Variants in PALLD observed in about 807,000 individuals in gnomAD.
PALLD encodes palladin.
In PALLD, 61 loss-of-function variants were observed where a neutral mutation model predicts 123.5. That is an observed-to-expected ratio of 0.49 (90% CI 0.40 to 0.61). PALLD has a LOEUF of 0.61. Among genes scored for constraint, PALLD ranks in the 20% least tolerant of loss-of-function variants. The pLI is 0.00. For synonymous variants in PALLD, 465 were observed against 496.4 expected, an observed-to-expected ratio of 0.94 and a Z score of 0.84; for missense variants, 1,273 against 1,377.0, an observed-to-expected ratio of 0.92 and a Z score of 1.20.
chr4:168,785,432 C>A (rs1457455592), intron 10 of PALLD, among the ~76,000 whole-genome samples: 1 of 152,090 alleles, frequency 6.6e-6, no homozygotes, highest in Non-Finnish European at 1.5e-5. Context: ...CTGAATAAAT[C>A]CAGTGGAAAT....
chr4:168,847,240 T>C (rs570484149), intron 10 of PALLD, among the ~76,000 whole-genome samples: 153 of 152,334 alleles, frequency 1.0e-3, no homozygotes, highest in Non-Finnish European at 1.8e-3. Context: ...AAAACAAGTA[T>C]ACAGTACAAA....
intron 2 of PALLD, among the ~76,000 whole-genome samples, chr4:168,561,259 T>C (rs1215258049): frequency 1.3e-5 from 2 of 152,072 alleles, no homozygotes; most frequent in Non-Finnish European, 2.9e-5. Flanking sequence ...CAATTTTCTT[T>C]TTTTTTCTCT....
intron 2 of PALLD, among the ~76,000 whole-genome samples, chr4:168,618,349 C>T (rs1034609219): frequency 6.6e-6 from 1 of 152,156 alleles, no homozygotes; most frequent in African/African-American, 2.4e-5. Flanking sequence ...ATGCTACATT[C>T]CTGGGGATAG....
chr4:168,639,421 A>T (rs1365361317), intron 2 of PALLD, among the ~76,000 whole-genome samples: 1 of 152,196 alleles, frequency 6.6e-6, no homozygotes. Context: ...CAAAGTTTGG[A>T]AAGGAGTTTC....
chr4:168,898,600 G>A lies in PALLD; in HGVS notation c.2358G>A (p.Val786=), dbSNP rs2094094165. The A allele has an allele frequency of 6.2e-7, 1 of 1,613,788 alleles. No individual in the cohort carries two copies. Among genetic ancestry groups the A allele is most frequent in the South Asian group, 1.1e-5 (1 of 91,080 alleles). ...GTGATGAAGTTCAGTATGGAGATGTGCCTGTGGAAAATGGAATGGCACCAT... is the reference window on the plus strand; with the variant it reads ...GTGATGAAGTTCAGTATGGAGATGTACCTGTGGAAAATGGAATGGCACCAT... ...ESGDEVQYGD[V]PVENGMAPFF... Residue 786 remains valine (V), a synonymous_variant, in exon 14 of 22, where the codon GTG becomes GTA. Transcript: ENST00000505667.
intron 10 of PALLD, among the ~76,000 whole-genome samples, chr4:168,744,632 AGTG>A (rs1264646441): frequency 1.3e-5 from 2 of 152,232 alleles, no homozygotes; most frequent in Non-Finnish European, 2.9e-5. Flanking sequence ...GACACAGTCT[AGTG>A]GTGGCAAAGA....
chr4:168,711,963 C>T (rs898930760), intron 10 of PALLD, 40 bp downstream of exon 10: 1 of 1,541,132 alleles, frequency 6.5e-7, no homozygotes. Context: ...TTTCCATACC[C>T]CTGTTACATT....
At chr4:168,885,944 C>G (rs1753275452) in intron 10 of PALLD, among the ~76,000 whole-genome samples, 1 of 152,234 alleles carries the variant, frequency 6.6e-6, no homozygotes, top group African/African-American at 2.4e-5. Context: ...CAGTTCCCAT[C>G]ACCACCTATG....
rs760419523 is a variant in PALLD at position 168,898,607 on chromosome 4, G to C, written c.2365G>C (p.Glu789Gln). ...DEVQYGDVPVENGMAPFFEMK... is the reference protein window; with the variant it reads ...DEVQYGDVPVQNGMAPFFEMK... ...AGTTCAGTATGGAGATGTGCCTGTG[G>C]AAAATGGAATGGCACCATTCTTTGA... Residue 789 changes from glutamate (E) to glutamine (Q), a missense_variant, in exon 14 of 22, where the codon GAA becomes CAA. Coordinates refer to ENST00000505667, the MANE Select transcript of PALLD (RefSeq NM_001166108.2). 2 of 1,613,886 alleles carry C rather than the reference G, an allele frequency of 1.2e-6. No individual in the cohort carries two copies. The highest frequency in any genetic ancestry group is 8.5e-7 in the Non-Finnish European group (1 of 1,179,766).
intron 2 of PALLD, among the ~76,000 whole-genome samples, chr4:168,532,994 A>G (rs1215764894): frequency 3.9e-5 from 6 of 152,232 alleles, no homozygotes; most frequent in Non-Finnish European, 7.3e-5. Flanking sequence ...CTAAAGAATT[A>G]AAATAGGTTA....
intron 2 of PALLD, among the ~76,000 whole-genome samples, chr4:168,599,307 G>A (rs1580503824): frequency 6.6e-6 from 1 of 152,290 alleles, no homozygotes; most frequent in Admixed American, 6.5e-5. Flanking sequence ...CAATAAATTG[G>A]CTTACTATAA....
chr4:168,506,631 G>T (rs949335717), intron 1 of PALLD, among the ~76,000 whole-genome samples: 3 of 151,970 alleles, frequency 2.0e-5, no homozygotes, highest in East Asian at 3.9e-4. Context: ...ATGTTACAGC[G>T]CTCTATCCTA....
intron 3 of PALLD, among the ~76,000 whole-genome samples, chr4:168,673,481 T>G (rs1157521887): frequency 1.3e-5 from 2 of 152,216 alleles, no homozygotes; most frequent in African/African-American, 4.8e-5. Flanking sequence ...AAGAGTTAGC[T>G]CAGAGGCTTG....
At chr4:168,682,321 G>A (rs143734939) in intron 4 of PALLD, among the ~76,000 whole-genome samples, 36 of 152,192 alleles carry the variant, frequency 2.4e-4, no homozygotes, top group Admixed American at 1.0e-3. Context: ...CAAATAATCA[G>A]TGATGCTTAA....
At chr4:168,834,261 G>A (rs934961441) in intron 10 of PALLD, among the ~76,000 whole-genome samples, 1 of 152,134 alleles carries the variant, frequency 6.6e-6, no homozygotes, top group East Asian at 1.9e-4. Flanking sequence ...AATTCTGATA[G>A]CTGGGATGGT....
At chr4:168,831,470 T>G (rs569315811) in intron 10 of PALLD, among the ~76,000 whole-genome samples, 1 of 152,306 alleles carries the variant, frequency 6.6e-6, no homozygotes, top group Non-Finnish European at 1.5e-5. Flanking sequence ...GTAAACTAAT[T>G]AATGGAAATC....
chr4:168,535,186 AG>A (rs923165015), intron 2 of PALLD, among the ~76,000 whole-genome samples: 14 of 152,178 alleles, frequency 9.2e-5, no homozygotes, highest in African/African-American at 3.4e-4. Context: ...TATCCAAGGG[AG>A]GTCCTGGAAC....
At chr4:168,608,880 TTG>T (rs1353676693) in intron 2 of PALLD, among the ~76,000 whole-genome samples, 1 of 151,886 alleles carries the variant, frequency 6.6e-6, no homozygotes, top group Non-Finnish European at 1.5e-5. Flanking sequence ...TTACCAAGTT[TTG>T]TCTCACTGGA....
intron 2 of PALLD, among the ~76,000 whole-genome samples, chr4:168,602,073 G>T (rs10018020): frequency 0.21 from 32,143 of 152,138 alleles, 3,454 homozygotes; most frequent in East Asian, 0.32. Flanking sequence ...TGAGTCTGCA[G>T]ATATTAATGT....
Sources: gnomAD v4.1 joint callset for allele counts (sites outside exome capture counted in the v4.1 genomes callset) on GRCh38, gnomAD v4.1.1 for gene constraint, MANE v1.5 for transcripts, NCBI Gene and HGNC (gene_info 2026-07-23, HGNC 2026-07-21) for gene names.